Variants in TFCP2 observed in about 807,000 individuals in gnomAD.
The protein encoded by TFCP2 is alpha-globin transcription factor CP2.
TFCP2 carries 33 observed loss-of-function variants against 73.4 expected under a neutral mutation model. That is an observed-to-expected ratio of 0.45 (90% CI 0.34 to 0.60). TFCP2 has a LOEUF of 0.60. Ranked by LOEUF, TFCP2 falls within the 20% of genes least tolerant of loss-of-function variation. The pLI is 0.01. For synonymous variants in TFCP2, 193 were observed against 211.6 expected (o/e 0.91, Z 0.76); for missense variants, 352 against 604.0 (o/e 0.58, Z 4.37).
intron 1 of TFCP2, among the ~76,000 whole-genome samples, chr12:51,158,120 G>A (rs1160869989): frequency 6.6e-6 from 1 of 151,980 alleles, no homozygotes; most frequent in Non-Finnish European, 1.5e-5. Context: ...TCTCACCTCA[G>A]CCTCCTGAGT....
At chr12:51,099,533 G>T in intron 12 of TFCP2, 122 bp downstream of exon 12, 2 of 1,284,836 alleles carry the variant, frequency 1.6e-6, no homozygotes, top group Non-Finnish European at 2.2e-6. Context: ...ATAAATGCTA[G>T]TGATTATTGT....
chr12:51,102,902 CTT>C (rs11452863), intron 10 of TFCP2, among the ~76,000 whole-genome samples: 8 of 142,378 alleles, frequency 5.6e-5, no homozygotes, highest in African/African-American at 2.6e-5. Flanking sequence ...TGTTTCGGTG[CTT>C]TTTTTTTTTT....
At chr12:51,111,129 T>C (rs558370507) in intron 4 of TFCP2, 146 bp from the exon 5 acceptor site, 42 of 615,652 alleles carry the variant, frequency 6.8e-5, no homozygotes, top group Non-Finnish European at 5.4e-5. Flanking sequence ...TTTTTGTCGT[T>C]GTTGTTGTTT....
chr12:51,097,750 T>C (rs184142002), intron 13 of TFCP2, among the ~76,000 whole-genome samples: 18 of 152,022 alleles, frequency 1.2e-4, no homozygotes, highest in Admixed American at 5.9e-4. Flanking sequence ...GGCGTGGTGG[T>C]TCACATCTGT....
At chr12:51,107,481 A>T (rs933875284) in intron 6 of TFCP2, 135 bp from the exon 7 acceptor site, 6 of 685,726 alleles carry the variant, frequency 8.7e-6, no homozygotes, top group African/African-American at 1.8e-5. Context: ...ACATCACTTT[A>T]AGTTTGAAAA....
chr12:51,105,922 G>A (rs1940225174), intron 8 of TFCP2, among the ~76,000 whole-genome samples: 1 of 152,122 alleles, frequency 6.6e-6, no homozygotes, highest in Admixed American at 6.6e-5. Context: ...CTATAATACA[G>A]CTACTTTTTA....
chr12:51,130,098 T>C (rs1169828922), intron 1 of TFCP2, among the ~76,000 whole-genome samples: 3 of 151,934 alleles, frequency 2.0e-5, no homozygotes, highest in South Asian at 2.1e-4. Flanking sequence ...TGAGCCATGA[T>C]TGTGCCATTG....
At chr12:51,152,545 TTTG>T (rs750666894) in intron 1 of TFCP2, among the ~76,000 whole-genome samples, 2 of 152,204 alleles carry the variant, frequency 1.3e-5, no homozygotes, top group Non-Finnish European at 2.9e-5. Context: ...TGTAAGAGAA[TTTG>T]TTTTTAAAAA....
chr12:51,131,045 G>C (rs1483057127), intron 1 of TFCP2, among the ~76,000 whole-genome samples: 1 of 150,716 alleles, frequency 6.6e-6, no homozygotes, highest in Non-Finnish European at 1.5e-5. Flanking sequence ...AGGACTAGAC[G>C]CAGTTCGGGC....
At chr12:51,164,328 G>A (rs1941708164) in intron 1 of TFCP2, among the ~76,000 whole-genome samples, 1 of 152,178 alleles carries the variant, frequency 6.6e-6, no homozygotes, top group South Asian at 2.1e-4. Context: ...GCCGGGTATG[G>A]TGGCTCACGC....
chr12:51,124,614 C>T (rs770379751), intron 1 of TFCP2: 14 of 530,682 alleles, frequency 2.6e-5, no homozygotes, highest in African/African-American at 1.1e-4. Flanking sequence ...CGGACTGCCC[C>T]GCCGGCAGGT....
At chr12:51,170,894 G>A (rs1941847344) in intron 1 of TFCP2, among the ~76,000 whole-genome samples, 1 of 151,606 alleles carries the variant, frequency 6.6e-6, no homozygotes, top group African/African-American at 2.4e-5. Flanking sequence ...TGGCCAGGCT[G>A]TTCTCGAACT....
chr12:51,163,567 G>A (rs1941693866), intron 1 of TFCP2, among the ~76,000 whole-genome samples: 1 of 151,948 alleles, frequency 6.6e-6, no homozygotes, highest in Non-Finnish European at 1.5e-5. Flanking sequence ...TCCAGCCCAG[G>A]CAACAGAGCG....
intron 10 of TFCP2, among the ~76,000 whole-genome samples, chr12:51,102,826 T>C (rs1046911698): frequency 2.0e-5 from 3 of 152,114 alleles, no homozygotes; most frequent in Non-Finnish European, 4.4e-5. Flanking sequence ...TCAGAACACT[T>C]ATCTACAAAA....
At chr12:51,111,063 C>A in intron 4 of TFCP2, 80 bp from the exon 5 acceptor site, 1 of 929,086 alleles carries the variant, frequency 1.1e-6, no homozygotes, top group Non-Finnish European at 1.7e-6. Context: ...TCTTATATTA[C>A]TCAATGTAGC....
intron 6 of TFCP2, among the ~76,000 whole-genome samples, chr12:51,108,217 C>T (rs1322829466): frequency 6.6e-6 from 1 of 150,812 alleles, no homozygotes; most frequent in Non-Finnish European, 1.5e-5. Context: ...ACCCAGGAGA[C>T]GGAGGTTGCA....
rs775558332 is a variant in TFCP2 at position 51,095,292 on chromosome 12, G to T, written c.1472-14C>A. On this transcript the variant is annotated splice_polypyrimidine_tract_variant and intron_variant, in intron 14 of 14. Transcript: ENST00000257915. ...CATTGGTTTCTGCTGTTAAAAAAAAGAGAGAGAGAGAATCATCTTTAGTCA... is the reference window on the plus strand; with the variant it reads ...CATTGGTTTCTGCTGTTAAAAAAAATAGAGAGAGAGAATCATCTTTAGTCA... 9.4e-6 allele frequency: 15 copies of T among 1,595,126 alleles called. No homozygotes were observed. Among genetic ancestry groups the T allele is most frequent in the Non-Finnish European group, 8.6e-7 (1 of 1,165,396 alleles).
intron 1 of TFCP2, among the ~76,000 whole-genome samples, chr12:51,147,059 T>C (rs951840812): frequency 6.6e-6 from 1 of 152,124 alleles, no homozygotes; most frequent in Non-Finnish European, 1.5e-5. Flanking sequence ...TATAAAACAT[T>C]AGGCCGGGCA....
intron 1 of TFCP2, among the ~76,000 whole-genome samples, chr12:51,126,232 C>CAAAAA (rs371407608): frequency 3.1e-4 from 27 of 87,414 alleles, no homozygotes; most frequent in Admixed American, 5.7e-4. Context: ...GACTCTGTCT[C>CAAAAA]AAAAAAAAAA....
Sources: gnomAD v4.1 joint callset for allele counts (sites outside exome capture counted in the v4.1 genomes callset) on GRCh38, gnomAD v4.1.1 for gene constraint, MANE v1.5 for transcripts, NCBI Gene and HGNC (gene_info 2026-07-23, HGNC 2026-07-21) for gene names.